Variants in CDH18 observed in about 807,000 individuals in gnomAD.
CDH18 encodes the protein cadherin-18.
A neutral mutation model predicts 67.9 loss-of-function variants in CDH18; 31 were observed. The observed-to-expected ratio is 0.46, with a 90% confidence interval of 0.34 to 0.62. The LOEUF is 0.62. Among genes scored for constraint, CDH18 ranks in the 20% least tolerant of loss-of-function variants. CDH18 has a pLI of 0.01. For missense variants in CDH18, 890 were observed against 975.5 expected (o/e 0.91, Z 1.17); for synonymous variants, 362 against 347.2 (o/e 1.04, Z -0.48).
chr5:20,569,526 G>A (rs1376735952), intron 1 of CDH18, among the ~76,000 whole-genome samples: 2 of 152,072 alleles, frequency 1.3e-5, no homozygotes, highest in Admixed American at 6.6e-5. Context: ...CAGGAGAATT[G>A]CTTGAACCTG....
chr5:20,462,534 G>C (rs1751343708), intron 1 of CDH18, among the ~76,000 whole-genome samples: 2 of 152,230 alleles, frequency 1.3e-5, no homozygotes, highest in Non-Finnish European at 2.9e-5. Flanking sequence ...AAATATCAAA[G>C]TGATGGGATA....
intron 2 of CDH18, among the ~76,000 whole-genome samples, chr5:20,216,136 A>G (rs1168458410): frequency 6.6e-6 from 1 of 151,910 alleles, no homozygotes; most frequent in Non-Finnish European, 1.5e-5. Flanking sequence ...TAAAAGTTAA[A>G]AAATCCAATT....
At chr5:20,536,298 T>C (rs2126570863) in intron 1 of CDH18, among the ~76,000 whole-genome samples, 1 of 152,214 alleles carries the variant, frequency 6.6e-6, no homozygotes, top group South Asian at 2.1e-4. Context: ...TGGGGGAAAA[T>C]AATACTCTAG....
intron 2 of CDH18, among the ~76,000 whole-genome samples, chr5:20,092,667 C>T (rs549028111): frequency 1.3e-5 from 2 of 151,928 alleles, no homozygotes; most frequent in African/African-American, 2.4e-5. Flanking sequence ...CTCCATGAAC[C>T]CTTTCTGACA....
At chr5:20,274,923 A>T (rs1745693947) in intron 1 of CDH18, among the ~76,000 whole-genome samples, 1 of 152,162 alleles carries the variant, frequency 6.6e-6, no homozygotes, top group Non-Finnish European at 1.5e-5. Context: ...ATGCAATAGC[A>T]TTCCAAAACC....
intron 2 of CDH18, among the ~76,000 whole-genome samples, chr5:19,921,560 C>A (rs192702906): frequency 6.0e-4 from 88 of 147,774 alleles, no homozygotes; most frequent in African/African-American, 2.1e-3. Context: ...AAATTAAAGA[C>A]ATAATGGAGA....
intron 3 of CDH18, among the ~76,000 whole-genome samples, chr5:19,834,167 T>A (rs1781362157): frequency 1.3e-5 from 2 of 150,072 alleles, no homozygotes; most frequent in African/African-American, 4.9e-5. Flanking sequence ...TTTTTTTTTT[T>A]ATTGGTAGGC....
intron 2 of CDH18, among the ~76,000 whole-genome samples, chr5:20,128,370 G>C (rs1748998567): frequency 6.6e-6 from 1 of 152,028 alleles, no homozygotes; most frequent in South Asian, 2.1e-4. Flanking sequence ...TATTCTATCA[G>C]AAAAGAAATA....
At chr5:19,929,502 C>T (rs890384538) in intron 2 of CDH18, among the ~76,000 whole-genome samples, 2 of 152,042 alleles carry the variant, frequency 1.3e-5, no homozygotes, top group Non-Finnish European at 2.9e-5. Context: ...ATGGTATCAG[C>T]CCAGAGTAGA....
intron 2 of CDH18, among the ~76,000 whole-genome samples, chr5:19,877,227 A>C (rs1251782069): frequency 2.6e-5 from 4 of 152,078 alleles, no homozygotes; most frequent in Admixed American, 6.6e-5. Context: ...TAAAAAAAAA[A>C]CCTATATTAA....
intron 1 of CDH18, among the ~76,000 whole-genome samples, chr5:20,432,971 A>G (rs1440186405): frequency 6.7e-6 from 1 of 148,830 alleles, no homozygotes; most frequent in Admixed American, 6.8e-5. Flanking sequence ...TTTAGACAGC[A>G]TATATAATAA....
At chr5:20,575,142 T>A (rs1280763755) in intron 1 of CDH18, among the ~76,000 whole-genome samples, 1 of 152,146 alleles carries the variant, frequency 6.6e-6, no homozygotes, top group Non-Finnish European at 1.5e-5. Flanking sequence ...GAACATATTG[T>A]AAGGTTGTCA....
intron 1 of CDH18, among the ~76,000 whole-genome samples, chr5:20,373,315 A>T (rs993318756): frequency 1.3e-5 from 2 of 152,112 alleles, no homozygotes; most frequent in African/African-American, 2.4e-5. Context: ...AAGTCCCTAG[A>T]TGCTTCAGTT....
At chr5:19,879,693 T>C (rs1457808040) in intron 2 of CDH18, among the ~76,000 whole-genome samples, 2 of 152,090 alleles carry the variant, frequency 1.3e-5, no homozygotes, top group Non-Finnish European at 1.5e-5. Flanking sequence ...GAAAGGCTTA[T>C]ATAGGAAATG....
At chr5:20,196,125 G>T (rs1738954180) in intron 2 of CDH18, among the ~76,000 whole-genome samples, 1 of 152,078 alleles carries the variant, frequency 6.6e-6, no homozygotes, top group Non-Finnish European at 1.5e-5. Context: ...AGACGGCAAG[G>T]CAGGGTGTTG....
chr5:20,089,563 T>A (rs1745252950), intron 2 of CDH18, among the ~76,000 whole-genome samples: 1 of 152,160 alleles, frequency 6.6e-6, no homozygotes, highest in African/African-American at 2.4e-5. Context: ...ATATTTTGGA[T>A]GAATACTATT....
intron 2 of CDH18, among the ~76,000 whole-genome samples, chr5:20,100,187 T>C (rs1746336702): frequency 6.6e-6 from 1 of 152,180 alleles, no homozygotes; most frequent in Non-Finnish European, 1.5e-5. Context: ...ATTTAGTATA[T>C]CATACAAATG....
At chr5:20,284,275 A>T (rs1441423367) in intron 1 of CDH18, among the ~76,000 whole-genome samples, 1 of 152,056 alleles carries the variant, frequency 6.6e-6, no homozygotes, top group Non-Finnish European at 1.5e-5. Flanking sequence ...TAAAGAAAGG[A>T]TACAAACTTG....
At chr5:20,311,404 C>G (rs925350656) in intron 1 of CDH18, among the ~76,000 whole-genome samples, 7 of 152,126 alleles carry the variant, frequency 4.6e-5, no homozygotes, top group Admixed American at 4.6e-4. Flanking sequence ...CCCAAACGTC[C>G]ATCAATGATA....
Sources: gnomAD v4.1 joint callset for allele counts (sites outside exome capture counted in the v4.1 genomes callset) on GRCh38, gnomAD v4.1.1 for gene constraint, MANE v1.5 for transcripts, NCBI Gene and HGNC (gene_info 2026-07-23, HGNC 2026-07-21) for gene names.